The following PPARGC1A variants were observed in gnomAD, a reference collection of about 807,000 sequenced individuals.
PPARGC1A encodes the protein PPARG coactivator 1 alpha, also known as peroxisome proliferator-activated receptor gamma coactivator 1-alpha.
Under a neutral mutation model 88.7 loss-of-function variants are expected in PPARGC1A, and 25 were observed. That is an observed-to-expected ratio of 0.28 (90% CI 0.21 to 0.39). The LOEUF (loss-of-function observed/expected upper bound fraction) is 0.39, where lower values mean the gene tolerates loss of function less well. Ranked by LOEUF, PPARGC1A falls within the 10% of genes least tolerant of loss-of-function variation. The pLI is 1.00. For missense variants in PPARGC1A, 880 were observed against 968.7 expected (o/e 0.91, Z 1.22); for synonymous variants, 363 against 355.6 (o/e 1.02, Z -0.24).
chr4:24,066,901 G>C, the PPARGC1A span, among the ~76,000 whole-genome samples: 6 of 113,306 alleles, frequency 5.3e-5, no homozygotes, highest in East Asian at 1.6e-3. Flanking sequence ...CTGAAACCTA[G>C]TTTAAGACAA....
chr4:24,002,778 C>T, the PPARGC1A span, among the ~76,000 whole-genome samples: 14 of 152,226 alleles, frequency 9.2e-5, no homozygotes, highest in African/African-American at 3.4e-4. Flanking sequence ...GCCACTGTTT[C>T]ACTGTTTGGA....
the PPARGC1A span, among the ~76,000 whole-genome samples, chr4:24,091,063 C>T: frequency 6.6e-6 from 1 of 152,164 alleles, no homozygotes; most frequent in Non-Finnish European, 1.5e-5. Context: ...AAACCAAGCC[C>T]CTATTCTAAG....
chr4:24,120,641 A>G, the PPARGC1A span, among the ~76,000 whole-genome samples: 2 of 152,116 alleles, frequency 1.3e-5, no homozygotes, highest in Admixed American at 6.5e-5. Flanking sequence ...CTAACCACCA[A>G]GGTGATGGTA....
the PPARGC1A span, among the ~76,000 whole-genome samples, chr4:24,313,517 T>C: frequency 8.0e-4 from 122 of 152,360 alleles, 1 homozygote; most frequent in South Asian, 6.8e-3. Flanking sequence ...GTTACATTTC[T>C]ACTGTGGTTG....
the PPARGC1A span, among the ~76,000 whole-genome samples, chr4:24,278,648 C>G: frequency 6.6e-6 from 1 of 152,182 alleles, no homozygotes; most frequent in Non-Finnish European, 1.5e-5. Flanking sequence ...CCTCAGAGAC[C>G]TTCACCCCAA....
chr4:24,338,855 C>T, the PPARGC1A span, among the ~76,000 whole-genome samples: 1 of 151,900 alleles, frequency 6.6e-6, no homozygotes, highest in Non-Finnish European at 1.5e-5. Context: ...TCCATAAGAA[C>T]CTCCAATGTC....
intron 2 of PPARGC1A, among the ~76,000 whole-genome samples, chr4:23,839,376 T>C (rs1174863790): frequency 6.6e-6 from 1 of 152,026 alleles, no homozygotes; most frequent in Non-Finnish European, 1.5e-5. Context: ...TTTCTCACAA[T>C]GGGAAGAGGA....
the PPARGC1A span, among the ~76,000 whole-genome samples, chr4:24,395,186 C>T: frequency 6.6e-6 from 1 of 152,208 alleles, no homozygotes; most frequent in Non-Finnish European, 1.5e-5. Flanking sequence ...AAAACCCTCC[C>T]AAAGGAAAAC....
At chr4:23,944,405 G>T in the PPARGC1A span, among the ~76,000 whole-genome samples, 1 of 152,224 alleles carries the variant, frequency 6.6e-6, no homozygotes, top group South Asian at 2.1e-4. Flanking sequence ...TTACCTTCTT[G>T]TCTCCCTCCA....
intron 1 of PPARGC1A, 34 bp downstream of exon 1, chr4:23,889,870 T>G (rs763799819): frequency 6.2e-7 from 1 of 1,607,818 alleles, no homozygotes; most frequent in South Asian, 1.1e-5. Flanking sequence ...AAGCGTCAGT[T>G]GTGGCTGCAG....
intron 7 of PPARGC1A, among the ~76,000 whole-genome samples, chr4:23,818,893 G>A (rs2932973): frequency 3.1e-4 from 41 of 132,552 alleles, no homozygotes; most frequent in African/African-American, 9.7e-4. Flanking sequence ...TTTGCAGAAT[G>A]TACTGCAAAA....
the PPARGC1A span, among the ~76,000 whole-genome samples, chr4:24,439,009 C>A: frequency 6.6e-6 from 1 of 151,774 alleles, no homozygotes; most frequent in African/African-American, 2.4e-5. Context: ...ATAACACAAA[C>A]GAAAAGGAAC....
intron 2 of PPARGC1A, among the ~76,000 whole-genome samples, chr4:23,844,730 TATATGATATATCATAATATATG>T: frequency 3.7e-5 from 3 of 80,434 alleles, no homozygotes; most frequent in Admixed American, 2.0e-4. Context: ...ATTATTATAA[TATATGATATATCATAATATATG>T]ATATATATTA....
intron 10 of PPARGC1A, among the ~76,000 whole-genome samples, chr4:23,805,563 T>C (rs1478725418): frequency 6.6e-6 from 1 of 151,988 alleles, no homozygotes; most frequent in Admixed American, 6.6e-5. Flanking sequence ...AGTCAGAAAG[T>C]AGAAATGGAT....
At chr4:24,438,448 A>G in the PPARGC1A span, among the ~76,000 whole-genome samples, 3 of 152,306 alleles carry the variant, frequency 2.0e-5, no homozygotes, top group East Asian at 3.9e-4. Context: ...GTCTCCATCA[A>G]TCCTCCCACT....
At chr4:24,402,968 A>G in the PPARGC1A span, among the ~76,000 whole-genome samples, 2 of 152,246 alleles carry the variant, frequency 1.3e-5, no homozygotes, top group African/African-American at 4.8e-5. Context: ...TACTTGGAGA[A>G]TTAATGAATG....
the PPARGC1A span, among the ~76,000 whole-genome samples, chr4:24,201,037 AAAGAC>A: frequency 6.6e-6 from 1 of 152,228 alleles, no homozygotes; most frequent in Non-Finnish European, 1.5e-5. Context: ...TACCAGCTAA[AAAGAC>A]AAGACTCCCT....
chr4:24,281,940 TC>T, the PPARGC1A span, among the ~76,000 whole-genome samples: 7 of 152,192 alleles, frequency 4.6e-5, no homozygotes, highest in Non-Finnish European at 8.8e-5. Flanking sequence ...CAACTGAGGC[TC>T]AAAGGGCTTC....
At chr4:24,218,514 G>T in the PPARGC1A span, among the ~76,000 whole-genome samples, 2 of 152,194 alleles carry the variant, frequency 1.3e-5, no homozygotes, top group African/African-American at 4.8e-5. Context: ...GGAATACAGG[G>T]CTGGCCCATG....
Sources: gnomAD v4.1 joint callset for allele counts (sites outside exome capture counted in the v4.1 genomes callset) on GRCh38, gnomAD v4.1.1 for gene constraint, MANE v1.5 for transcripts, NCBI Gene and HGNC (gene_info 2026-07-23, HGNC 2026-07-21) for gene names.